CLYBL: variants seen among roughly 807,000 people sequenced by gnomAD.
The protein encoded by CLYBL is citramalyl-CoA lyase.
A neutral mutation model predicts 38.9 loss-of-function variants in CLYBL; 31 were observed. The ratio of observed to expected loss-of-function variants is 0.80; its 90% CI spans 0.60 to 1.08. The LOEUF is 1.08. Ranked by LOEUF, CLYBL falls within the 50% of genes least tolerant of loss-of-function variation. The probability of loss-of-function intolerance (pLI) is 0.00; values close to 1 mark genes in which losing one functional copy is unlikely to be tolerated. For missense variants in CLYBL, 434 were observed against 411.6 expected, an observed-to-expected ratio of 1.05 and a Z score of -0.47; for synonymous variants, 171 against 158.6, an observed-to-expected ratio of 1.08 and a Z score of -0.59.
In CLYBL at chr13:99,643,024, G is replaced by A. The variant is rs981589781; in HGVS notation, c.62+36267G>A. 2.5e-4 allele frequency: 38 copies of A among 153,850 alleles called. 1 individual carries two copies. The highest frequency in any genetic ancestry group is 9.2e-4 in the Admixed American group (14 of 15,290). 9.5% of individuals were successfully genotyped at this position (153,850 alleles called of 1,614,324 possible). A position where few individuals can be genotyped will look rare whatever the true frequency, so the allele number is the denominator to read the frequency against. On this transcript the variant is annotated intron_variant, in intron 1 of 8. Transcript: ENST00000339105. Reference sequence around the variant, plus strand: ...ACTGCTTGCTGGGTGAGGCCTGCATGAGGACTTTACTCATGGGCTCATAGA... The same window carrying A: ...ACTGCTTGCTGGGTGAGGCCTGCATAAGGACTTTACTCATGGGCTCATAGA...
intron 1 of CLYBL, among the ~76,000 whole-genome samples, chr13:99,626,980 G>C (rs1233806297): frequency 6.7e-6 from 1 of 150,140 alleles, no homozygotes; most frequent in Non-Finnish European, 1.5e-5. Context: ...TACCGGCGCT[G>C]CTCAGAACTT....
Position 99,864,806 on chromosome 13 carries a change from G to C in CLYBL, c.541-12G>C, listed in dbSNP as rs1319316228. On this transcript the variant is annotated splice_polypyrimidine_tract_variant and intron_variant, in intron 4 of 8. Transcript: ENST00000339105. The stretch of plus-strand genomic sequence containing the variant: ...TTTCCGTGAGACTTAGTTCTGTTCT[G>C]CTCTTTTACAGGCAGTGTGTGAAGA... 1 of 1,596,680 alleles carries C rather than the reference G, an allele frequency of 6.3e-7. No homozygotes were observed. The highest frequency in any genetic ancestry group is 1.3e-5 in the African/African-American group (1 of 74,584).
In CLYBL at chr13:99,858,930, A is replaced by G. The variant is rs1249058944; in HGVS notation, c.319A>G (p.Arg107Gly). ...TCTGGGCCCTACTGAAAAATGTGTG[A>G]GAGTCAACTCAGTTTCCAGTGGTCT... is the stretch of plus-strand genomic sequence containing the variant. ...IDLGPTEKCV[R>G]VNSVSSGLAE... Residue 107 changes from arginine (R) to glycine (G), a missense_variant, in exon 3 of 9, where the codon AGA becomes GGA. Arg to Gly is a moderately radical substitution (Grantham distance 125). Coordinates refer to ENST00000339105, the MANE Select transcript of CLYBL (RefSeq NM_206808.5). The G allele has an allele frequency of 6.2e-7, 1 of 1,613,994 alleles. No individual in the cohort carries two copies. Among genetic ancestry groups the G allele is most frequent in the Non-Finnish European group, 8.5e-7 (1 of 1,179,860 alleles).
intron 1 of CLYBL, among the ~76,000 whole-genome samples, chr13:99,742,670 G>A (rs1328892653): frequency 6.6e-6 from 1 of 152,164 alleles, no homozygotes; most frequent in Non-Finnish European, 1.5e-5. Context: ...GCCTTTACAA[G>A]TAACTGTGGA....
At chr13:99,629,919 A>G (rs995175776) in intron 1 of CLYBL, among the ~76,000 whole-genome samples, 1 of 152,056 alleles carries the variant, frequency 6.6e-6, no homozygotes, top group Non-Finnish European at 1.5e-5. Context: ...TGGAGATGGT[A>G]TTTACTGGTT....
chr13:99,728,689 C>T (rs921035915), intron 1 of CLYBL, among the ~76,000 whole-genome samples: 3 of 152,020 alleles, frequency 2.0e-5, no homozygotes, highest in South Asian at 4.2e-4. Context: ...AGTCCTCGCA[C>T]GTAGCTGGGA....
chr13:99,664,771 A>T (rs2047456647), intron 1 of CLYBL, among the ~76,000 whole-genome samples: 1 of 152,200 alleles, frequency 6.6e-6, no homozygotes, highest in Non-Finnish European at 1.5e-5. Context: ...TTTTGATTCC[A>T]CATGATCTCT....
chr13:99,690,248 G>A (rs967815453), intron 1 of CLYBL: 1 of 152,132 alleles, frequency 6.6e-6, no homozygotes, highest in East Asian at 1.9e-4. Flanking sequence ...AGTACCAGGC[G>A]GGCTCCTTCC....
rs543121738 is a variant in CLYBL, at chr13:99,819,072, G to A, written c.250-39789G>A. Among the ~76,000 whole-genome samples, 4 of 152,222 alleles carry A rather than the reference G, an allele frequency of 2.6e-5. 1 individual carries two copies. The highest frequency in any genetic ancestry group is 1.3e-4 in the Admixed American group (2 of 15,282). Reference sequence around the variant, plus strand: ...ATTACACAAATTTAATAGGCCAGGCGTGGTGGCTCACACCTGTAATTCCAG... The same window carrying A: ...ATTACACAAATTTAATAGGCCAGGCATGGTGGCTCACACCTGTAATTCCAG... On this transcript the variant is annotated intron_variant, in intron 2 of 8. Transcript: ENST00000339105.
At chr13:99,633,330 A>G (rs528422573) in intron 1 of CLYBL, among the ~76,000 whole-genome samples, 3 of 151,786 alleles carry the variant, frequency 2.0e-5, no homozygotes, top group East Asian at 3.9e-4. Flanking sequence ...ACTTGAGGTC[A>G]GGAGTTTGAT....
intron 2 of CLYBL, among the ~76,000 whole-genome samples, chr13:99,817,654 CA>C (rs1189248896): frequency 0.03 from 1,472 of 49,068 alleles, 7 homozygotes; most frequent in African/African-American, 0.046. Context: ...GACTCTGTCT[CA>C]AAAAAAAAAA....
At chr13:99,838,891 G>A (rs954224310) in intron 2 of CLYBL, among the ~76,000 whole-genome samples, 15 of 152,228 alleles carry the variant, frequency 9.9e-5, no homozygotes, top group South Asian at 4.2e-4. Flanking sequence ...CACCCGCCTC[G>A]GCCTCCCAAA....
intron 1 of CLYBL, among the ~76,000 whole-genome samples, chr13:99,634,936 G>C (rs1374244862): frequency 6.6e-6 from 1 of 152,104 alleles, no homozygotes; most frequent in Non-Finnish European, 1.5e-5. Flanking sequence ...ATCCCCAGAC[G>C]TCCCTGCTCA....
rs144919447 is a variant in CLYBL, at chr13:99,872,526, G to A, written c.927+1464G>A. Among the ~76,000 whole-genome samples, 313 of 152,214 alleles carry A rather than the reference G, an allele frequency of 2.1e-3. 1 individual carries two copies. The highest frequency in any genetic ancestry group is 7.2e-3 in the African/African-American group (299 of 41,548). ...ATACCTGCCCACGCATACCCACACC[G>A]AATGCTCTATACCTCTGCTACAAGC... On this transcript the variant is annotated intron_variant, in intron 7 of 8. Coordinates refer to ENST00000339105, the MANE Select transcript of CLYBL (RefSeq NM_206808.5).
chr13:99,663,582 A>G (rs911625540), intron 1 of CLYBL, among the ~76,000 whole-genome samples: 1 of 152,152 alleles, frequency 6.6e-6, no homozygotes, highest in Non-Finnish European at 1.5e-5. Flanking sequence ...TGTGGGGACC[A>G]TGCTGCCTGC....
chr13:99,718,714 A>G (rs920350654), intron 1 of CLYBL, among the ~76,000 whole-genome samples: 13 of 152,188 alleles, frequency 8.5e-5, no homozygotes, highest in African/African-American at 3.1e-4. Flanking sequence ...AATTTGAGAA[A>G]TATTTTTCTG....
intron 1 of CLYBL, among the ~76,000 whole-genome samples, chr13:99,754,087 CAAAAAAAAAAA>C (rs71121003): frequency 8.1e-4 from 37 of 45,418 alleles, no homozygotes; most frequent in East Asian, 3.3e-3. Flanking sequence ...AACTCGGTCT[CAAAAAAAAAAA>C]AAAAAAAAAA....
intron 2 of CLYBL, among the ~76,000 whole-genome samples, chr13:99,822,748 C>A (rs2050612062): frequency 1.3e-5 from 2 of 152,234 alleles, no homozygotes; most frequent in South Asian, 4.1e-4. Flanking sequence ...AGTTAGTGGT[C>A]TCTTTTCTGT....
At position 99,882,982 on chromosome 13, in the gene CLYBL, C is replaced by CCAGCCCAGCT. The variant is rs1284051978; in HGVS notation, c.928-8334_928-8325dup. Among the ~76,000 whole-genome samples, 8 of 152,132 alleles carry CCAGCCCAGCT rather than the reference C, an allele frequency of 5.3e-5. No individual in the cohort carries two copies. The South Asian group carries it at 1.5e-3, about 28-fold the overall frequency. Reference sequence around the variant, plus strand: ...CTGGGCCGGGCCAGGCCAGGCCAGCCCAGCCCAGCTCTTAGCTTCCCCATC... The same window carrying CCAGCCCAGCT: ...CTGGGCCGGGCCAGGCCAGGCCAGCCCAGCCCAGCTCAGCCCAGCTCTTAGCTTCCCCATC... On this transcript the variant is annotated intron_variant, in intron 7 of 8. Transcript: ENST00000339105.
Sources: allele counts gnomAD v4.1 joint callset (sites outside exome capture counted in the v4.1 genomes callset), GRCh38; gene constraint gnomAD v4.1.1; transcripts MANE v1.5; gene names NCBI Gene and HGNC (gene_info 2026-07-23, HGNC 2026-07-21).